The following ARHGAP15 variants were observed in gnomAD, a reference collection of about 807,000 sequenced individuals.
ARHGAP15 encodes Rho GTPase activating protein 15.
Under a neutral mutation model 63.7 loss-of-function variants are expected in ARHGAP15, and 51 were observed. The observed-to-expected ratio is 0.80, with a 90% CI of 0.64 to 1.01. ARHGAP15 has a LOEUF of 1.01. ARHGAP15 is among the 50% of genes least tolerant of loss of function. The pLI, the probability that ARHGAP15 is intolerant of heterozygous loss-of-function variation, is 0.00. For synonymous variants in ARHGAP15, 191 were observed against 193.8 expected (o/e 0.99, Z 0.12); for missense variants, 560 against 564.6 (o/e 0.99, Z 0.08).
intron 6 of ARHGAP15, among the ~76,000 whole-genome samples, chr2:143,375,492 C>T (rs1268951297): frequency 6.6e-6 from 1 of 152,148 alleles, no homozygotes; most frequent in African/African-American, 2.4e-5. Context: ...GAAAAATATA[C>T]TCTCTTGCAC....
At chr2:143,437,107 T>C in intron 8 of ARHGAP15, 65 bp downstream of exon 8, 2 of 1,497,226 alleles carry the variant, frequency 1.3e-6, no homozygotes, top group South Asian at 2.6e-5. Flanking sequence ...GAAATATAAA[T>C]GCATTGAAAT....
At chr2:143,571,120 G>A (rs116675634) in intron 11 of ARHGAP15, among the ~76,000 whole-genome samples, 2 of 152,100 alleles carry the variant, frequency 1.3e-5, no homozygotes, top group African/African-American at 4.8e-5. Flanking sequence ...AGAATCTAAT[G>A]CCTAATGATC....
intron 11 of ARHGAP15, among the ~76,000 whole-genome samples, chr2:143,587,049 G>A (rs1697135777): frequency 1.3e-5 from 2 of 152,004 alleles, no homozygotes; most frequent in South Asian, 4.1e-4. Flanking sequence ...TGATCCTGAG[G>A]AATGGACAAT....
intron 12 of ARHGAP15, among the ~76,000 whole-genome samples, chr2:143,625,243 A>T (rs1367922562): frequency 6.6e-6 from 1 of 152,160 alleles, no homozygotes; most frequent in East Asian, 1.9e-4. Context: ...AGGAGGTCTG[A>T]TCTTGGATGG....
intron 2 of ARHGAP15, among the ~76,000 whole-genome samples, chr2:143,189,612 CCAA>C (rs1691599635): frequency 1.3e-5 from 2 of 151,670 alleles, no homozygotes; most frequent in South Asian, 2.1e-4. Flanking sequence ...CAGGCATGGG[CCAA>C]CACACCTGGC....
At chr2:143,614,892 G>C (rs1014169701) in intron 11 of ARHGAP15, among the ~76,000 whole-genome samples, 13 of 152,180 alleles carry the variant, frequency 8.5e-5, no homozygotes, top group Non-Finnish European at 1.6e-4. Flanking sequence ...GGCAGAGACC[G>C]GGAATTGGTG....
At chr2:143,634,160 A>T (rs1680186822) in intron 12 of ARHGAP15, among the ~76,000 whole-genome samples, 1 of 152,010 alleles carries the variant, frequency 6.6e-6, no homozygotes, top group South Asian at 2.1e-4. Flanking sequence ...ATTCCAGCCC[A>T]TTGGTACCCT....
intron 2 of ARHGAP15, among the ~76,000 whole-genome samples, chr2:143,159,282 G>C (rs1690198526): frequency 6.6e-6 from 1 of 151,790 alleles, no homozygotes; most frequent in South Asian, 2.1e-4. Flanking sequence ...ATTTTCTTTT[G>C]TTTCTTACTT....
intron 6 of ARHGAP15, among the ~76,000 whole-genome samples, chr2:143,256,114 C>T (rs1384609411): frequency 6.6e-6 from 1 of 152,120 alleles, no homozygotes; most frequent in Non-Finnish European, 1.5e-5. Context: ...ACCTCACCTG[C>T]CCATCTGTGT....
intron 12 of ARHGAP15, among the ~76,000 whole-genome samples, chr2:143,647,497 A>C (rs890873123): frequency 1.3e-5 from 2 of 152,006 alleles, no homozygotes; most frequent in Non-Finnish European, 2.9e-5. Flanking sequence ...TGCTTTCTAC[A>C]TGAACACATT....
At chr2:143,275,239 T>C (rs967209376) in intron 6 of ARHGAP15, among the ~76,000 whole-genome samples, 4 of 152,100 alleles carry the variant, frequency 2.6e-5, no homozygotes, top group Admixed American at 2.6e-4. Context: ...AGGAGAAATA[T>C]GGAAGTTCTC....
chr2:143,473,201 G>T (rs1691661405), intron 8 of ARHGAP15, among the ~76,000 whole-genome samples: 2 of 152,170 alleles, frequency 1.3e-5, no homozygotes, highest in Admixed American at 1.3e-4. Flanking sequence ...CCATTGACTT[G>T]CAATGGAGCA....
At chr2:143,339,218 G>A (rs925855682) in intron 6 of ARHGAP15, among the ~76,000 whole-genome samples, 1 of 152,076 alleles carries the variant, frequency 6.6e-6, no homozygotes, top group Non-Finnish European at 1.5e-5. Flanking sequence ...TGAAAAAGAT[G>A]ACTGAACTAG....
At chr2:143,332,773 CT>C (rs1684604576) in intron 6 of ARHGAP15, among the ~76,000 whole-genome samples, 1 of 152,118 alleles carries the variant, frequency 6.6e-6, no homozygotes, top group Admixed American at 6.6e-5. Flanking sequence ...CTTACATTGT[CT>C]TAGCTACTTT....
intron 6 of ARHGAP15, among the ~76,000 whole-genome samples, chr2:143,304,876 TG>T: frequency 6.6e-6 from 1 of 151,952 alleles, no homozygotes; most frequent in East Asian, 1.9e-4. Context: ...ATACTGTTGG[TG>T]GGAGTGTAAA....
At chr2:143,255,526 ATTT>A (rs1471288141) in intron 6 of ARHGAP15, among the ~76,000 whole-genome samples, 1 of 152,120 alleles carries the variant, frequency 6.6e-6, no homozygotes, top group African/African-American at 2.4e-5. Context: ...TTTAAACATA[ATTT>A]GATCTTTCTG....
At position 143,362,406 on chromosome 2, in the gene ARHGAP15, G is replaced by A. The variant is rs539227095; in HGVS notation, c.475-73195G>A. Among the ~76,000 whole-genome samples, 147 of 152,294 alleles carry A rather than the reference G, an allele frequency of 9.7e-4. 1 individual carries two copies. Among genetic ancestry groups the A allele is most frequent in the African/African-American group, 3.4e-3 (143 of 41,562 alleles). ...CTTTGGCATCAGCCAGTCAAGGAAT[G>A]TTTCTTCTGCCTCTTTGGGAATTCT... On this transcript the variant is annotated intron_variant, in intron 6 of 13. Transcript: ENST00000295095.
intron 6 of ARHGAP15, among the ~76,000 whole-genome samples, chr2:143,307,676 G>GA (rs569717118): frequency 6.6e-6 from 1 of 151,670 alleles, no homozygotes; most frequent in Admixed American, 6.6e-5. Context: ...TCATTCAAAC[G>GA]AAAAAAAATT....
At chr2:143,550,298 C>G (rs1695498181) in intron 10 of ARHGAP15, among the ~76,000 whole-genome samples, 1 of 152,028 alleles carries the variant, frequency 6.6e-6, no homozygotes, top group Admixed American at 6.5e-5. Context: ...AATAAATACT[C>G]AAGTCAACAA....
Sources: allele counts gnomAD v4.1 joint callset (sites outside exome capture counted in the v4.1 genomes callset), GRCh38; gene constraint gnomAD v4.1.1; transcripts MANE v1.5; gene names NCBI Gene and HGNC (gene_info 2026-07-23, HGNC 2026-07-21).